Variants in ZHX2 observed in about 807,000 individuals in gnomAD.
ZHX2 encodes the protein zinc fingers and homeoboxes protein 2.
In ZHX2, 6 loss-of-function variants were observed where a neutral mutation model predicts 21.9. The ratio of observed to expected loss-of-function variants is 0.27; its 90% CI spans 0.15 to 0.54. The LOEUF (loss-of-function observed/expected upper bound fraction) is 0.54. Ranked by LOEUF, ZHX2 falls within the 20% of genes least tolerant of loss-of-function variation. The pLI is 0.95. For missense variants in ZHX2, 908 were observed against 1,090.7 expected, an observed-to-expected ratio of 0.83 and a Z score of 2.36; for synonymous variants, 434 against 437.1, an observed-to-expected ratio of 0.99 and a Z score of 0.09.
At chr8:122,851,901 A>G (rs968657794) in intron 1 of ZHX2, among the ~76,000 whole-genome samples, 9 of 152,252 alleles carry the variant, frequency 5.9e-5, no homozygotes, top group African/African-American at 2.2e-4. Flanking sequence ...CTGTAAGTGA[A>G]AGACATTTGG....
rs1049314784 is a variant in ZHX2 at position 122,973,604 on chromosome 8, GT to G, written c.*374del. 6.6e-6 allele frequency: 1 copy of G among 152,456 alleles called. No individual in the cohort carries two copies. Among genetic ancestry groups the G allele is most frequent in the African/African-American group, 2.4e-5 (1 of 41,386 alleles). 9.4% of individuals were successfully genotyped at this position (152,456 alleles called of 1,614,324 possible). On this transcript the variant is annotated 3_prime_UTR_variant, in exon 4 of 4. Coordinates refer to ENST00000314393, the MANE Select transcript of ZHX2 (RefSeq NM_014943.5). ...CCTTTTCCAGCACTACCATTGTAAG[GT>G]TTTTTTCAGGAGGGAGGGCTAACCA...
intron 2 of ZHX2, among the ~76,000 whole-genome samples, chr8:122,942,170 C>G (rs563580375): frequency 2.0e-5 from 3 of 151,970 alleles, no homozygotes; most frequent in East Asian, 1.9e-4. Flanking sequence ...GCCCTGCCCC[C>G]ACCCGTCACC....
intron 3 of ZHX2, among the ~76,000 whole-genome samples, chr8:122,971,878 G>A (rs2130388340): frequency 6.6e-6 from 1 of 152,268 alleles, no homozygotes; most frequent in African/African-American, 2.4e-5. Flanking sequence ...TTGCAAACTG[G>A]ATGGCTCAAA....
chr8:122,861,300 C>T (rs1457065890), intron 1 of ZHX2, among the ~76,000 whole-genome samples: 1 of 152,142 alleles, frequency 6.6e-6, no homozygotes, highest in Non-Finnish European at 1.5e-5. Context: ...GAACATTTGC[C>T]TAAGAGCCAA....
At chr8:122,799,556 T>G (rs1001678255) in intron 1 of ZHX2, among the ~76,000 whole-genome samples, 8 of 152,252 alleles carry the variant, frequency 5.3e-5, no homozygotes, top group Non-Finnish European at 1.0e-4. Flanking sequence ...CTTTTTTAGC[T>G]TATGTTTTAA....
intron 2 of ZHX2, among the ~76,000 whole-genome samples, chr8:122,895,875 A>T (rs1013114232): frequency 1.3e-5 from 2 of 152,022 alleles, no homozygotes; most frequent in African/African-American, 4.8e-5. Flanking sequence ...GCCAACCCAG[A>T]CCCTTCCCAA....
At chr8:122,818,521 T>C (rs1818077576) in intron 1 of ZHX2, among the ~76,000 whole-genome samples, 1 of 152,126 alleles carries the variant, frequency 6.6e-6, no homozygotes, top group African/African-American at 2.4e-5. Context: ...GCCCCTCAGA[T>C]TAGGCTCTGT....
chr8:122,786,732 A>G (rs1409719055), intron 1 of ZHX2, among the ~76,000 whole-genome samples: 1 of 146,318 alleles, frequency 6.8e-6, no homozygotes, highest in East Asian at 2.1e-4. Context: ...CACCCCCAGT[A>G]CACACATGCA....
chr8:122,872,404 C>T (rs1456287771), intron 2 of ZHX2, among the ~76,000 whole-genome samples: 1 of 152,168 alleles, frequency 6.6e-6, no homozygotes, highest in African/African-American at 2.4e-5. Flanking sequence ...GATTCAGGGG[C>T]AAGTTCCAAC....
At chr8:122,962,063 A>G (rs1813465812) in intron 3 of ZHX2, among the ~76,000 whole-genome samples, 1 of 152,010 alleles carries the variant, frequency 6.6e-6, no homozygotes, top group Non-Finnish European at 1.5e-5. Flanking sequence ...ACTGCTGAGC[A>G]CTCACTGTTC....
At chr8:122,846,971 T>C (rs1448257145) in intron 1 of ZHX2, among the ~76,000 whole-genome samples, 2 of 151,816 alleles carry the variant, frequency 1.3e-5, no homozygotes, top group African/African-American at 4.8e-5. Context: ...ATTAAAAGAG[T>C]TGAGCTGGAT....
At chr8:122,890,297 A>G (rs553836879) in intron 2 of ZHX2, among the ~76,000 whole-genome samples, 14 of 152,064 alleles carry the variant, frequency 9.2e-5, no homozygotes, top group Non-Finnish European at 1.8e-4. Context: ...TGGGTTCTGT[A>G]TTCTGTTTCA....
chr8:122,790,277 G>A (rs1337891324), intron 1 of ZHX2, among the ~76,000 whole-genome samples: 3 of 152,194 alleles, frequency 2.0e-5, no homozygotes, highest in Admixed American at 6.5e-5. Flanking sequence ...ATTGGCCCAA[G>A]GTTATACAGT....
At chr8:122,882,686 A>C (rs188226060) in intron 2 of ZHX2, among the ~76,000 whole-genome samples, 10 of 152,262 alleles carry the variant, frequency 6.6e-5, no homozygotes, top group African/African-American at 2.4e-4. Flanking sequence ...ATCTTTTAAA[A>C]ATACAAACCA....
At chr8:122,942,907 C>T (rs993116345) in intron 2 of ZHX2, among the ~76,000 whole-genome samples, 1 of 152,156 alleles carries the variant, frequency 6.6e-6, no homozygotes, top group Non-Finnish European at 1.5e-5. Flanking sequence ...CTTACAGAGC[C>T]CTGTACCTTA....
At chr8:122,792,567 G>C (rs1477306403) in intron 1 of ZHX2, among the ~76,000 whole-genome samples, 1 of 152,166 alleles carries the variant, frequency 6.6e-6, no homozygotes, top group Non-Finnish European at 1.5e-5. Context: ...CAAAGTGGAT[G>C]CATCATTTTT....
At chr8:122,892,069 G>A (rs1226005019) in intron 2 of ZHX2, among the ~76,000 whole-genome samples, 1 of 152,030 alleles carries the variant, frequency 6.6e-6, no homozygotes, top group Non-Finnish European at 1.5e-5. Context: ...CTCCCTTTAG[G>A]TCTAGCAATG....
chr8:122,964,940 A>G (rs1813540319), intron 3 of ZHX2, among the ~76,000 whole-genome samples: 1 of 151,644 alleles, frequency 6.6e-6, no homozygotes, highest in African/African-American at 2.4e-5. Context: ...AGGTGTTCAT[A>G]GAAACCTTGA....
chr8:122,836,259 T>C (rs1818493207), intron 1 of ZHX2, among the ~76,000 whole-genome samples: 1 of 151,846 alleles, frequency 6.6e-6, no homozygotes, highest in African/African-American at 2.4e-5. Context: ...AGAGAGGCCA[T>C]GTGGATTTTC....
Sources: gnomAD v4.1 joint callset for allele counts (sites outside exome capture counted in the v4.1 genomes callset) on GRCh38, gnomAD v4.1.1 for gene constraint, MANE v1.5 for transcripts, NCBI Gene and HGNC (gene_info 2026-07-23, HGNC 2026-07-21) for gene names.